CSMD3: variants seen among roughly 807,000 people sequenced by gnomAD.
CSMD3 encodes CUB and Sushi multiple domains 3, also known as CUB and sushi domain-containing protein 3.
A neutral mutation model predicts 435.2 loss-of-function variants in CSMD3; 177 were observed. That is an observed-to-expected ratio of 0.41 (90% CI 0.36 to 0.46). The LOEUF is 0.46. Ranked by LOEUF, CSMD3 falls within the 20% of genes least tolerant of loss-of-function variation. CSMD3 has a pLI of 0.34. For missense variants in CSMD3, 4,265 were observed against 4,504.6 expected, an observed-to-expected ratio of 0.95 and a Z score of 1.52; for synonymous variants, 1,656 against 1,520.5, an observed-to-expected ratio of 1.09 and a Z score of -2.07.
chr8:112,936,158 A>G (rs1329115382), intron 9 of CSMD3, among the ~76,000 whole-genome samples: 1 of 151,838 alleles, frequency 6.6e-6, no homozygotes, highest in African/African-American at 2.4e-5. Flanking sequence ...GTGACTTTAT[A>G]TTTCCCTTCT....
At chr8:113,414,899 G>A (rs188548581) in intron 1 of CSMD3, among the ~76,000 whole-genome samples, 2 of 152,252 alleles carry the variant, frequency 1.3e-5, no homozygotes, top group East Asian at 1.9e-4. Flanking sequence ...CCAGGAGGCA[G>A]AGGTTGGAGT....
chr8:112,505,777 C>T (rs1164740660), intron 29 of CSMD3, among the ~76,000 whole-genome samples: 2 of 151,834 alleles, frequency 1.3e-5, no homozygotes, highest in Non-Finnish European at 2.9e-5. Context: ...GCCAATAGTC[C>T]TGTTGTATAA....
At chr8:113,323,695 A>T (rs917693977) in intron 1 of CSMD3, among the ~76,000 whole-genome samples, 1 of 152,206 alleles carries the variant, frequency 6.6e-6, no homozygotes, top group Non-Finnish European at 1.5e-5. Flanking sequence ...TTCTTTCATA[A>T]ATGTTTATAT....
intron 36 of CSMD3, among the ~76,000 whole-genome samples, chr8:112,386,462 C>T (rs986135257): frequency 7.9e-5 from 12 of 152,024 alleles, no homozygotes; most frequent in African/African-American, 2.9e-4. Flanking sequence ...TGATCGAGTA[C>T]TCACTATGAC....
intron 12 of CSMD3, among the ~76,000 whole-genome samples, chr8:112,813,263 A>T (rs929410354): frequency 2.0e-4 from 31 of 152,290 alleles, no homozygotes; most frequent in Admixed American, 7.9e-4. Flanking sequence ...AGATTATGTG[A>T]TTGCCTTTTA....
At chr8:112,732,767 T>C (rs2077103671) in intron 13 of CSMD3, among the ~76,000 whole-genome samples, 1 of 151,826 alleles carries the variant, frequency 6.6e-6, no homozygotes, top group Admixed American at 6.6e-5. Flanking sequence ...TTAGAATTCC[T>C]GATGTCAAAC....
chr8:113,363,542 A>G (rs921713556), intron 1 of CSMD3, among the ~76,000 whole-genome samples: 2 of 152,150 alleles, frequency 1.3e-5, no homozygotes, highest in Non-Finnish European at 1.5e-5. Context: ...CGGAGGCTCT[A>G]GTGAAGGAGT....
At chr8:112,601,205 T>C (rs149772436) in intron 22 of CSMD3, among the ~76,000 whole-genome samples, 38 of 152,236 alleles carry the variant, frequency 2.5e-4, no homozygotes, top group African/African-American at 8.7e-4. Flanking sequence ...ATGCACACCT[T>C]ATCTGAAGGT....
chr8:112,983,011 A>G (rs2085111067), intron 6 of CSMD3, among the ~76,000 whole-genome samples: 3 of 151,978 alleles, frequency 2.0e-5, no homozygotes, highest in African/African-American at 7.2e-5. Flanking sequence ...TTACTTATTC[A>G]TTTATGTTTT....
At chr8:112,792,695 T>C (rs887923414) in intron 13 of CSMD3, among the ~76,000 whole-genome samples, 22 of 152,316 alleles carry the variant, frequency 1.4e-4, no homozygotes, top group Middle Eastern at 6.8e-3. Context: ...CTTAGGTCTA[T>C]AATACATTGC....
chr8:112,573,377 A>T, intron 24 of CSMD3, 124 bp downstream of exon 24: 1 of 876,128 alleles, frequency 1.1e-6, no homozygotes, highest in Non-Finnish European at 1.9e-6. Context: ...AAAATTATAT[A>T]TGTAGAAAGG....
At chr8:112,923,050 G>A (rs2082795621) in intron 9 of CSMD3, among the ~76,000 whole-genome samples, 1 of 151,992 alleles carries the variant, frequency 6.6e-6, no homozygotes, top group Non-Finnish European at 1.5e-5. Context: ...ACTCCATCAG[G>A]AAAATCCTGT....
At chr8:112,793,124 A>G (rs2078732037) in intron 13 of CSMD3, among the ~76,000 whole-genome samples, 1 of 148,100 alleles carries the variant, frequency 6.8e-6, no homozygotes. Context: ...TTATATTGCT[A>G]ATATATTAAT....
At chr8:112,457,368 C>A (rs1816943351) in intron 32 of CSMD3, among the ~76,000 whole-genome samples, 1 of 151,970 alleles carries the variant, frequency 6.6e-6, no homozygotes, top group Non-Finnish European at 1.5e-5. Flanking sequence ...AATAGTAAGC[C>A]TGTACAATTT....
At chr8:112,957,928 A>G (rs570712370) in intron 7 of CSMD3, among the ~76,000 whole-genome samples, 7 of 152,170 alleles carry the variant, frequency 4.6e-5, no homozygotes, top group African/African-American at 1.7e-4. Flanking sequence ...GTATTTTAGT[A>G]GAGACAGGGT....
intron 16 of CSMD3, among the ~76,000 whole-genome samples, chr8:112,668,890 G>A (rs1223630435): frequency 2.0e-5 from 3 of 151,088 alleles, no homozygotes; most frequent in African/African-American, 7.3e-5. Context: ...GGAAGAGCAT[G>A]GAATAGATAA....
intron 37 of CSMD3, 76 bp downstream of exon 37, chr8:112,383,491 T>TC (rs1829659464): frequency 6.2e-6 from 5 of 809,982 alleles, no homozygotes; most frequent in Non-Finnish European, 8.6e-6. Context: ...CAAGTAAGAG[T>TC]TGTAGATAGC....
chr8:113,187,861 A>G (rs1588234256), intron 3 of CSMD3, among the ~76,000 whole-genome samples: 1 of 151,626 alleles, frequency 6.6e-6, no homozygotes, highest in Non-Finnish European at 1.5e-5. Flanking sequence ...ACACAATCCT[A>G]CCCCTTTATA....
rs1005279736 is a variant in CSMD3 at position 112,385,652 on chromosome 8, A to C, written c.5935-1989T>G. ...TGTATTGGAGGCAGGAGTAGTAAAA[A>C]TGGGAACCCAGACGTCACATGTGTT... On this transcript the variant is annotated intron_variant, in intron 36 of 70. Coordinates refer to ENST00000297405, the MANE Select transcript of CSMD3 (RefSeq NM_198123.2). 2.0e-5 allele frequency among the ~76,000 whole-genome samples: 3 copies of C among 152,208 alleles called. No homozygotes were observed. In the South Asian group the frequency reaches 6.2e-4, roughly 31 times the overall value.
Sources: allele counts gnomAD v4.1 joint callset (sites outside exome capture counted in the v4.1 genomes callset), GRCh38; gene constraint gnomAD v4.1.1; transcripts MANE v1.5; gene names NCBI Gene and HGNC (gene_info 2026-07-23, HGNC 2026-07-21).